ATP11C: variants seen among roughly 807,000 people sequenced by gnomAD.
ATP11C encodes phospholipid-transporting ATPase IG.
Under a neutral mutation model 97.4 loss-of-function variants are expected in ATP11C, and 36 were observed. That is an observed-to-expected ratio of 0.37 (90% confidence interval 0.28 to 0.49). The LOEUF (loss-of-function observed/expected upper bound fraction) is 0.49. ATP11C is among the 20% of genes least tolerant of loss of function. ATP11C has a pLI of 0.98. For synonymous variants in ATP11C, 275 were observed against 290.9 expected, an observed-to-expected ratio of 0.95 and a Z score of 0.56; for missense variants, 730 against 824.6, an observed-to-expected ratio of 0.89 and a Z score of 1.40.
chrX:139,821,052 C>T (rs1200527281), intron 2 of ATP11C, among the ~76,000 whole-genome samples: 2 of 110,402 alleles, frequency 1.8e-5, no homozygotes, highest in Non-Finnish European at 3.8e-5. Context: ...TTGTAGAGCA[C>T]GACATACTAT....
At chrX:139,746,868 A>G (rs1446162336) in intron 24 of ATP11C, among the ~76,000 whole-genome samples, 2 of 111,930 alleles carry the variant, frequency 1.8e-5, no homozygotes, top group Non-Finnish European at 3.8e-5. Flanking sequence ...CTAATTACTC[A>G]AATAACATAC....
intron 1 of ATP11C, among the ~76,000 whole-genome samples, chrX:139,924,992 C>T (rs1024666228): frequency 2.4e-4 from 27 of 111,552 alleles, no homozygotes; most frequent in Admixed American, 2.4e-3. Context: ...ACCTCTGTCA[C>T]AATTGGTATA....
At position 139,783,284 on chromosome X, in the gene ATP11C, T is replaced by C. The variant is rs1401401102; in HGVS notation, c.1667-17A>G. 5.4e-6 allele frequency: 6 copies of C among 1,116,640 alleles called. No individual in the cohort carries two copies. Among genetic ancestry groups the C allele is most frequent in the African/African-American group, 1.8e-5 (1 of 55,194 alleles). 92.0% of individuals were successfully genotyped at this position (1,116,640 alleles called of 1,213,427 possible). ...GTATGTCTCCTAAAATAAAGAACCATAGTACTTGACTTAGAATTTTAAGGC... is the reference window on the plus strand; with the variant it reads ...GTATGTCTCCTAAAATAAAGAACCACAGTACTTGACTTAGAATTTTAAGGC... On this transcript the variant is annotated splice_polypyrimidine_tract_variant and intron_variant, in intron 16 of 29. Coordinates refer to ENST00000682941, the MANE Select transcript of ATP11C (RefSeq NM_001353812.2).
At chrX:139,903,702 C>T (rs2084932959) in intron 1 of ATP11C, among the ~76,000 whole-genome samples, 1 of 110,203 alleles carries the variant, frequency 9.1e-6, no homozygotes, top group African/African-American at 3.3e-5. Context: ...GTCTGCAAAC[C>T]GGGAAGAGTG....
intron 1 of ATP11C, among the ~76,000 whole-genome samples, chrX:139,891,748 A>G (rs1352719016): frequency 3.6e-5 from 4 of 112,487 alleles, no homozygotes; most frequent in African/African-American, 1.3e-4. Context: ...AATGCGATTG[A>G]TGGGTTATCT....
In ATP11C at chrX:139,904,235, C is replaced by T. The variant is rs1488875145; in HGVS notation, c.27+27781G>A. Among the ~76,000 whole-genome samples the T allele has an allele frequency of 2.7e-5, 3 of 111,727 alleles. No homozygotes were observed. In the Admixed American group the frequency reaches 2.9e-4, roughly 11 times the overall value. Reference sequence around the variant, plus strand: ...GTGGAGTACTGAGTAAACTAAAACACGCATGCTTTTGGCCGGGCACGGTGG... The same window carrying T: ...GTGGAGTACTGAGTAAACTAAAACATGCATGCTTTTGGCCGGGCACGGTGG... On this transcript the variant is annotated intron_variant, in intron 1 of 29. Transcript: ENST00000682941.
chrX:139,888,114 C>T (rs2084673476), intron 1 of ATP11C, among the ~76,000 whole-genome samples: 1 of 110,293 alleles, frequency 9.1e-6, no homozygotes, highest in African/African-American at 3.3e-5. Flanking sequence ...ATATAAAGAA[C>T]ACTCAAAGCT....
chrX:139,805,338 C>T (rs1418341630), intron 5 of ATP11C, among the ~76,000 whole-genome samples: 1 of 111,817 alleles, frequency 8.9e-6, no homozygotes, highest in East Asian at 2.8e-4. Flanking sequence ...CTCATCCCAG[C>T]TCTGCCACTT....
chrX:139,764,096 G>C (rs1449046633), intron 20 of ATP11C, among the ~76,000 whole-genome samples: 1 of 111,813 alleles, frequency 8.9e-6, no homozygotes, highest in Non-Finnish European at 1.9e-5. Flanking sequence ...CAATGTTTTT[G>C]GTTACTTTCT....
intron 29 of ATP11C, among the ~76,000 whole-genome samples, chrX:139,729,359 A>T (rs1486647934): frequency 8.9e-6 from 1 of 111,824 alleles, no homozygotes; most frequent in Non-Finnish European, 1.9e-5. Context: ...TCTGGCACAC[A>T]GCAGATACTC....
intron 1 of ATP11C, among the ~76,000 whole-genome samples, chrX:139,876,120 T>C (rs908444064): frequency 9.0e-6 from 1 of 111,165 alleles, no homozygotes; most frequent in Admixed American, 9.6e-5. Flanking sequence ...CAGTAGGAAG[T>C]AGGGTAGTCT....
At chrX:139,744,503 A>G (rs1474593230) in intron 25 of ATP11C, among the ~76,000 whole-genome samples, 1 of 112,257 alleles carries the variant, frequency 8.9e-6, no homozygotes, top group Non-Finnish European at 1.9e-5. Flanking sequence ...AATGAATCAC[A>G]TCGACTATAG....
intron 1 of ATP11C, among the ~76,000 whole-genome samples, chrX:139,913,632 G>A (rs1286531047): frequency 9.0e-6 from 1 of 110,816 alleles, no homozygotes; most frequent in Admixed American, 9.7e-5. Context: ...CTCCCCCACT[G>A]AGCACCTTGT....
chrX:139,869,626 A>G (rs2084339267), intron 1 of ATP11C, among the ~76,000 whole-genome samples: 1 of 103,973 alleles, frequency 9.6e-6, no homozygotes. Flanking sequence ...TACTAAAAAA[A>G]AAAAAAAAAA....
rs771034435 is a variant in ATP11C at position 139,898,539 on chromosome X, G to T, written c.27+33477C>A. ...GCAAACAGAGAAGGCTTGGAGGCTGGGGGATGAGTAGACGTGGGGATGAGT... is the reference window on the plus strand; with the variant it reads ...GCAAACAGAGAAGGCTTGGAGGCTGTGGGATGAGTAGACGTGGGGATGAGT... On this transcript the variant is annotated intron_variant, in intron 1 of 29. Transcript: ENST00000682941. Among the ~76,000 whole-genome samples the T allele has an allele frequency of 2.7e-5, 3 of 111,461 alleles. No homozygotes were observed. The South Asian group carries it at 1.1e-3, about 42-fold the overall frequency.
intron 1 of ATP11C, among the ~76,000 whole-genome samples, chrX:139,842,599 A>AT (rs1376671475): frequency 8.9e-6 from 1 of 112,480 alleles, no homozygotes; most frequent in Non-Finnish European, 1.9e-5. Context: ...ATACAAGTAT[A>AT]TTTGCAGCGC....
At chrX:139,832,287 A>G (rs1467458447) in intron 1 of ATP11C, 3 of 1,150,098 alleles carry the variant, frequency 2.6e-6, no homozygotes, top group Non-Finnish European at 3.5e-6. Context: ...TGATCCTTGT[A>G]AAGTTTCCCA....
chrX:139,860,470 G>T (rs981524776), intron 1 of ATP11C, among the ~76,000 whole-genome samples: 24 of 111,939 alleles, frequency 2.1e-4, no homozygotes, highest in African/African-American at 7.8e-4. Context: ...GCCTGTTTCT[G>T]GGTCTCATAT....
intron 1 of ATP11C, among the ~76,000 whole-genome samples, chrX:139,888,831 C>T (rs2084685724): frequency 9.3e-6 from 1 of 107,463 alleles, no homozygotes; most frequent in Admixed American, 1.0e-4. Flanking sequence ...TTTTTGGAGA[C>T]AGGGTCTTAC....
Sources: gnomAD v4.1 joint callset for allele counts (sites outside exome capture counted in the v4.1 genomes callset) on GRCh38, gnomAD v4.1.1 for gene constraint, MANE v1.5 for transcripts, NCBI Gene and HGNC (gene_info 2026-07-23, HGNC 2026-07-21) for gene names.